The following DIP2C variants were observed in gnomAD, a reference collection of about 807,000 sequenced individuals.
The protein encoded by DIP2C is DIP2 acetate--CoA ligase C (putative).
Under a neutral mutation model 192.4 loss-of-function variants are expected in DIP2C, and 33 were observed. The ratio of observed to expected loss-of-function variants is 0.17; its 90% CI spans 0.13 to 0.23. The LOEUF is 0.23. DIP2C is among the 10% of genes least tolerant of loss of function. The pLI, the probability that DIP2C is intolerant of heterozygous loss-of-function variation, is 1.00. For synonymous variants in DIP2C, 979 were observed against 864.1 expected (o/e 1.13, Z -2.33); for missense variants, 1,537 against 2,110.1 (o/e 0.73, Z 5.32).
chr10:316,114 C>A (rs1956763512), intron 31 of DIP2C, among the ~76,000 whole-genome samples: 1 of 152,166 alleles, frequency 6.6e-6, no homozygotes, highest in Non-Finnish European at 1.5e-5. Flanking sequence ...ATTTCGAAGT[C>A]TCTGATAATT....
intron 11 of DIP2C, 80 bp from the exon 12 acceptor site, chr10:390,453 C>T: frequency 7.4e-7 from 1 of 1,348,760 alleles, no homozygotes; most frequent in Non-Finnish European, 1.1e-6. Context: ...TATGTGGTAC[C>T]CTTTCAAACA....
At chr10:662,234 C>T in intron 1 of DIP2C, 1 of 653,402 alleles carries the variant, frequency 1.5e-6, no homozygotes, top group South Asian at 1.8e-5. Flanking sequence ...TCCTGGGTTC[C>T]TAGCTCCTCC....
At chr10:296,556 A>C (rs975367681) in intron 32 of DIP2C, among the ~76,000 whole-genome samples, 2 of 152,154 alleles carry the variant, frequency 1.3e-5, no homozygotes, top group African/African-American at 4.8e-5. Flanking sequence ...CCAAAGGATT[A>C]TAAATCATGC....
intron 1 of DIP2C, among the ~76,000 whole-genome samples, chr10:581,316 G>C (rs938345424): frequency 4.6e-5 from 7 of 152,190 alleles, no homozygotes; most frequent in Non-Finnish European, 7.3e-5. Context: ...ATGAGAGATG[G>C]CAAGTATGAT....
intron 7 of DIP2C, among the ~76,000 whole-genome samples, 165 bp from the exon 8 acceptor site, chr10:414,275 C>T (rs754930733): frequency 1.7e-4 from 26 of 152,264 alleles, no homozygotes; most frequent in African/African-American, 3.1e-4. Flanking sequence ...ACTAGCATCA[C>T]GGATGCTGGT....
At chr10:520,818 C>A (rs1368457336) in intron 1 of DIP2C, among the ~76,000 whole-genome samples, 2 of 152,224 alleles carry the variant, frequency 1.3e-5, no homozygotes, top group African/African-American at 4.8e-5. Flanking sequence ...ACTAATTCTA[C>A]TTCCATGGTT....
intron 1 of DIP2C, among the ~76,000 whole-genome samples, chr10:627,761 C>T (rs1388856503): frequency 3.9e-5 from 6 of 152,402 alleles, no homozygotes; most frequent in South Asian, 2.1e-4. Context: ...TCCTGCCAGA[C>T]GTCACAAACA....
intron 3 of DIP2C, among the ~76,000 whole-genome samples, chr10:463,244 A>G (rs565390829): frequency 6.6e-6 from 1 of 152,344 alleles, no homozygotes; most frequent in East Asian, 1.9e-4. Flanking sequence ...TGTTATTTAG[A>G]AAACCCCATC....
At chr10:530,553 C>CA (rs1007682114) in intron 1 of DIP2C, among the ~76,000 whole-genome samples, 55 of 149,668 alleles carry the variant, frequency 3.7e-4, no homozygotes, top group African/African-American at 1.2e-3. Context: ...TGCAGTGGCT[C>CA]AAGCCTGTAA....
chr10:413,808 C>G (rs146765402), intron 8 of DIP2C, 105 bp downstream of exon 8: 1 of 1,400,122 alleles, frequency 7.1e-7, no homozygotes, highest in Non-Finnish European at 9.7e-7. Flanking sequence ...GGGTTAGCCT[C>G]GGGATTACCT....
intron 1 of DIP2C, among the ~76,000 whole-genome samples, chr10:685,161 AATATATATATATATATATATATATACAT>A (rs750323593): frequency 0.028 from 874 of 31,760 alleles, 30 homozygotes; most frequent in East Asian, 0.074. Context: ...AAAAAAAAAA[AATATATATATATATATATATATATACAT>A]ATATATATAT....
chr10:670,244 GCA>G (rs778900112), intron 1 of DIP2C, among the ~76,000 whole-genome samples: 131 of 152,226 alleles, frequency 8.6e-4, no homozygotes, highest in Non-Finnish European at 1.3e-3. Flanking sequence ...ACACGCATAT[GCA>G]CACACGTACA....
Position 547,103 on chromosome 10 carries a change from C to G in DIP2C, c.86-60573G>C, listed in dbSNP as rs140348774. Among the ~76,000 whole-genome samples the G allele has an allele frequency of 5.4e-3, 828 of 152,304 alleles. 9 individuals carry two copies. Among genetic ancestry groups the G allele is most frequent in the African/African-American group, 0.019 (772 of 41,568 alleles). On this transcript the variant is annotated intron_variant, in intron 1 of 36. Transcript: ENST00000280886. ...AGATAACCATCAAATCCTCGGAAGA[C>G]GCACCTCTGCATACTTCCTGTTTCT...
rs771092837 is a variant in DIP2C, at chr10:345,104, G to T, written c.3238C>A (p.Arg1080Ser). Residue 1080 changes from arginine (R) to serine (S), a missense_variant, in exon 27 of 37, where the codon CGC becomes AGC. This residue lies in a region of DIP2C where 677 missense variants were observed against 989.9 expected (regional missense o/e 0.68). Transcript: ENST00000280886. ...PTVKMIVEVSRSACLMTTQLI... is the reference protein window; with the variant it reads ...PTVKMIVEVSSSACLMTTQLI... ...TGTGTCGTCATCAGACAGGCAGAGC[G>T]ACTCACCTGGCATCAGAGAGCGAGA... 6.2e-7 allele frequency: 1 copy of T among 1,611,306 alleles called. No homozygotes were observed. Among genetic ancestry groups the T allele is most frequent in the Non-Finnish European group, 8.5e-7 (1 of 1,179,626 alleles).
chr10:504,088 G>A (rs1423851711), intron 1 of DIP2C, among the ~76,000 whole-genome samples: 1 of 152,084 alleles, frequency 6.6e-6, no homozygotes, highest in Non-Finnish European at 1.5e-5. Context: ...TTCATCTCAC[G>A]ACACACACAG....
intron 1 of DIP2C, among the ~76,000 whole-genome samples, chr10:658,012 G>C (rs1362846548): frequency 6.6e-6 from 1 of 150,376 alleles, no homozygotes; most frequent in African/African-American, 2.5e-5. Context: ...CCTGACCCTG[G>C]ACCTGCCCCT....
chr10:565,568 C>G (rs1217824759), intron 1 of DIP2C, among the ~76,000 whole-genome samples: 1 of 152,136 alleles, frequency 6.6e-6, no homozygotes, highest in Non-Finnish European at 1.5e-5. Context: ...AGACTACTAA[C>G]CCAACTTCAC....
At chr10:330,764 C>T (rs950479377) in intron 29 of DIP2C, among the ~76,000 whole-genome samples, 1 of 151,856 alleles carries the variant, frequency 6.6e-6, no homozygotes, top group African/African-American at 2.4e-5. Flanking sequence ...GCCTGGCCTC[C>T]CAAAGTGTTG....
chr10:279,993 C>T (rs115113335), intron 36 of DIP2C, among the ~76,000 whole-genome samples: 14 of 152,296 alleles, frequency 9.2e-5, no homozygotes, highest in South Asian at 8.3e-4. Context: ...AACTGATATT[C>T]GTAGCTATTT....
Sources: gnomAD v4.1 joint callset for allele counts (sites outside exome capture counted in the v4.1 genomes callset) on GRCh38, gnomAD v4.1.1 for gene constraint, gnomAD v4.1.1 regional missense constraint, MANE v1.5 for transcripts, NCBI Gene and HGNC (gene_info 2026-07-23, HGNC 2026-07-21) for gene names.